CAB39L: variants seen among roughly 807,000 people sequenced by gnomAD.
CAB39L encodes calcium-binding protein 39-like.
A neutral mutation model predicts 39.1 loss-of-function variants in CAB39L; 23 were observed. The observed-to-expected ratio is 0.59, with a 90% CI of 0.42 to 0.83. The LOEUF is 0.83. Among genes scored for constraint, CAB39L ranks in the 40% least tolerant of loss-of-function variants. CAB39L has a pLI of 0.00. For missense variants in CAB39L, 366 were observed against 391.9 expected (o/e 0.93, Z 0.56); for synonymous variants, 126 against 137.2 (o/e 0.92, Z 0.57).
chr13:49,439,441 T>C (rs1271178801), intron 1 of CAB39L, among the ~76,000 whole-genome samples: 2 of 152,232 alleles, frequency 1.3e-5, no homozygotes, highest in Admixed American at 6.5e-5. Context: ...TCAACACTTA[T>C]TGCATTCCTT....
chr13:49,323,225 T>C (rs1439618335), intron 10 of CAB39L, among the ~76,000 whole-genome samples: 1 of 152,164 alleles, frequency 6.6e-6, no homozygotes, highest in East Asian at 1.9e-4. Context: ...AATATAAACT[T>C]CATCCCGGTG....
chr13:49,338,410 C>CA (rs1170701482), intron 9 of CAB39L, among the ~76,000 whole-genome samples: 4 of 148,988 alleles, frequency 2.7e-5, no homozygotes, highest in Non-Finnish European at 5.9e-5. Context: ...AACAAAAAAC[C>CA]AAACACCGCA....
At position 49,309,759 on chromosome 13, in the gene CAB39L, AC is replaced by A. The variant is rs1355288392; in HGVS notation, c.*1054del. ...GACTGTGATGGGCAATTATAGAATG[AC>A]AGCTTATTAGAAAAAAATTGCTTTT... is the stretch of plus-strand genomic sequence containing the variant. On this transcript the variant is annotated 3_prime_UTR_variant, in exon 11 of 11. Coordinates refer to ENST00000409308, the MANE Select transcript of CAB39L (RefSeq NM_001079670.3). 2 of 152,212 alleles carry A rather than the reference AC, an allele frequency of 1.3e-5. No homozygotes were observed. The highest frequency in any genetic ancestry group is 2.9e-5 in the Non-Finnish European group (2 of 68,028). The allele number at this position is 152,212 out of a possible 1,614,324, so 9.4% of individuals were successfully genotyped here. A position where few individuals can be genotyped will look rare whatever the true frequency, so the allele number is the denominator to read the frequency against.
chr13:49,350,792 C>T lies in CAB39L; in HGVS notation c.516G>A (p.Val172=). 4 of 1,601,620 alleles carry T rather than the reference C, an allele frequency of 2.5e-6. No individual in the cohort carries two copies. The highest frequency in any genetic ancestry group is 3.4e-6 in the Non-Finnish European group (4 of 1,174,372). The change falls in exon 7 of 11, where the codon GTG becomes GTA. Residue 172 remains valine, a synonymous_variant. Transcript: ENST00000409308. Reference sequence around the variant, plus strand: ...AAGCAATATCAAATGTTGACAACTCCACGTACTTAAAGAAATCTCTGAATT... The same window carrying T: ...AAGCAATATCAAATGTTGACAACTCTACGTACTTAAAGAAATCTCTGAATT... ...SNQFRDFFKY[V]ELSTFDIASD... is the part of the protein sequence containing the mutation.
chr13:49,345,786 G>A (rs1414513452), intron 7 of CAB39L, among the ~76,000 whole-genome samples: 3 of 151,992 alleles, frequency 2.0e-5, no homozygotes, highest in Non-Finnish European at 4.4e-5. Context: ...TTCTCTACCT[G>A]CTTCAACTAT....
At chr13:49,383,515 C>T (rs931827724) in intron 3 of CAB39L, among the ~76,000 whole-genome samples, 1 of 152,090 alleles carries the variant, frequency 6.6e-6, no homozygotes, top group Non-Finnish European at 1.5e-5. Flanking sequence ...AAATATTTTG[C>T]ATTAAAGTAG....
At chr13:49,339,406 C>T (rs779233461) in intron 9 of CAB39L, among the ~76,000 whole-genome samples, 2 of 152,184 alleles carry the variant, frequency 1.3e-5, no homozygotes, top group Admixed American at 6.6e-5. Flanking sequence ...GCTGGGATTA[C>T]AGGCGTAAGC....
At chr13:49,364,514 A>G (rs574874729) in intron 5 of CAB39L, among the ~76,000 whole-genome samples, 12 of 152,356 alleles carry the variant, frequency 7.9e-5, no homozygotes, top group African/African-American at 2.9e-4. Flanking sequence ...CCTTGTTTGC[A>G]GATGATAAAA....
intron 4 of CAB39L, 137 bp from the exon 5 acceptor site, chr13:49,377,268 AC>A (rs1195547372): frequency 4.3e-6 from 2 of 470,210 alleles, no homozygotes; most frequent in East Asian, 5.6e-5. Context: ...TTACAAACAA[AC>A]AAAAACAGTG....
intron 6 of CAB39L, among the ~76,000 whole-genome samples, chr13:49,357,543 G>A (rs754689158): frequency 2.0e-4 from 30 of 152,312 alleles, no homozygotes; most frequent in Admixed American, 1.4e-3. Context: ...TTCGTTTGGA[G>A]AGATTATGGG....
intron 5 of CAB39L, among the ~76,000 whole-genome samples, chr13:49,365,235 G>C (rs1270480664): frequency 6.6e-6 from 1 of 152,134 alleles, no homozygotes; most frequent in African/African-American, 2.4e-5. Context: ...AGAGAAAACT[G>C]AATATCCACA....
intron 3 of CAB39L, among the ~76,000 whole-genome samples, chr13:49,416,684 G>A (rs918714867): frequency 2.0e-5 from 3 of 151,944 alleles, no homozygotes; most frequent in African/African-American, 7.3e-5. Context: ...AACCTCTCTG[G>A]GCCCCTATTT....
At chr13:49,341,943 C>A (rs1420261703) in intron 8 of CAB39L, among the ~76,000 whole-genome samples, 16 of 152,116 alleles carry the variant, frequency 1.1e-4, no homozygotes. Flanking sequence ...TGGCTATTTC[C>A]TTTATAACAT....
At chr13:49,410,382 A>G (rs1468516799) in intron 3 of CAB39L, among the ~76,000 whole-genome samples, 1 of 152,218 alleles carries the variant, frequency 6.6e-6, no homozygotes, top group Non-Finnish European at 1.5e-5. Context: ...TCTTTTTATG[A>G]GGTGTGTCAT....
rs561906319 is a variant in CAB39L at position 49,350,971 on chromosome 13, T to C, written c.396-59A>G. 9 of 1,305,732 alleles carry C rather than the reference T, an allele frequency of 6.9e-6. No homozygotes were observed. The South Asian group carries it at 1.4e-4, about 20-fold the overall frequency. 80.9% of individuals were successfully genotyped at this position (1,305,732 alleles called of 1,614,324 possible). ...TGTTATCCTATTAAAATAATATTAA[T>C]GGCATCAAAAGAACCATTTCAATAC... On this transcript the variant is annotated intron_variant, in intron 6 of 10. Transcript: ENST00000409308.
intron 9 of CAB39L, among the ~76,000 whole-genome samples, chr13:49,335,375 T>G (rs905966113): frequency 2.0e-5 from 3 of 152,304 alleles, no homozygotes; most frequent in African/African-American, 7.2e-5. Flanking sequence ...ATCCAATCTA[T>G]CCTCTGCTAA....
intron 10 of CAB39L, among the ~76,000 whole-genome samples, chr13:49,321,813 T>TTTA (rs1337257490): frequency 6.6e-6 from 1 of 152,216 alleles, no homozygotes; most frequent in Non-Finnish European, 1.5e-5. Flanking sequence ...AGCATTTTAA[T>TTTA]GTTGCCTTTA....
intron 5 of CAB39L, among the ~76,000 whole-genome samples, chr13:49,366,781 T>G (rs555568635): frequency 6.6e-6 from 1 of 152,002 alleles, no homozygotes; most frequent in Non-Finnish European, 1.5e-5. Context: ...TTTAGGAAGC[T>G]AAGGCAGGCA....
At chr13:49,404,984 T>G (rs1448644763) in intron 3 of CAB39L, among the ~76,000 whole-genome samples, 1 of 151,556 alleles carries the variant, frequency 6.6e-6, no homozygotes. Context: ...AAAAAGGAGG[T>G]AGAGAGAGAG....
Sources: gnomAD v4.1 joint callset for allele counts (sites outside exome capture counted in the v4.1 genomes callset) on GRCh38, gnomAD v4.1.1 for gene constraint, MANE v1.5 for transcripts, NCBI Gene and HGNC (gene_info 2026-07-23, HGNC 2026-07-21) for gene names.